PPL: variants seen among roughly 807,000 people sequenced by gnomAD.
PPL encodes the protein periplakin, also known as 190 kDa paraneoplastic pemphigus antigen.
PPL carries 198 observed loss-of-function variants against 194.4 expected under a neutral mutation model. The ratio of observed to expected loss-of-function variants is 1.02; its 90% confidence interval spans 0.91 to 1.15. The LOEUF is 1.15. PPL is among the 50% of genes most tolerant of loss of function. The probability of loss-of-function intolerance (pLI) is 0.00; values close to 1 mark genes in which losing one functional copy is unlikely to be tolerated. For missense variants in PPL, 2,885 were observed against 2,294.8 expected (o/e 1.26, Z -5.25); for synonymous variants, 1,220 against 972.4 (o/e 1.25, Z -4.74).
At position 4,900,853 on chromosome 16, in the gene PPL, G is replaced by T; in HGVS notation, c.583C>A (p.Arg195=). The T allele has an allele frequency of 6.2e-7, 1 of 1,614,104 alleles. No individual in the cohort carries two copies. The highest frequency in any genetic ancestry group is 1.1e-5 in the South Asian group (1 of 91,086). ...ACCAGCAGTTTCTGGTACTTGGCCC[G>T]GAGTTCGCTGTTCTGCTCCTGAGGA... is the stretch of plus-strand genomic sequence containing the variant. The part of the protein sequence containing the change: ...DGDKEQNSEL[R]AKYQKLLAAS... Residue 195 remains arginine, a synonymous_variant, in exon 6 of 22, where the codon CGG becomes AGG. Transcript: ENST00000345988.
At chr16:4,893,399 T>A (rs764432264) in intron 13 of PPL, 29 bp from the exon 14 acceptor site, 2 of 1,599,964 alleles carry the variant, frequency 1.3e-6, no homozygotes, top group Non-Finnish European at 1.7e-6. Context: ...CACAGGCAGG[T>A]GTGACAACGG....
chr16:4,890,511 G>A (rs997095311), intron 17 of PPL, among the ~76,000 whole-genome samples, 177 bp from the exon 18 acceptor site: 3 of 152,128 alleles, frequency 2.0e-5, no homozygotes, highest in South Asian at 2.1e-4. Context: ...AGAACCAGGT[G>A]GGTCCATATA....
chr16:4,888,765 G>A (rs557511911), intron 19 of PPL: 184 of 519,766 alleles, frequency 3.5e-4, no homozygotes, highest in African/African-American at 3.4e-3. Flanking sequence ...AGTGTTTACT[G>A]CTTCAGAGTA....
At chr16:4,915,665 A>G (rs1009815620) in intron 1 of PPL, among the ~76,000 whole-genome samples, 3 of 152,210 alleles carry the variant, frequency 2.0e-5, no homozygotes, top group African/African-American at 7.2e-5. Flanking sequence ...TGGGGATGCT[A>G]GGAAAATCAC....
Position 4,888,988 on chromosome 16 carries a change from T to C in PPL, c.2387A>G (p.Gln796Arg). 1 of 1,613,440 alleles carries C rather than the reference T, an allele frequency of 6.2e-7. No individual in the cohort carries two copies. Among genetic ancestry groups the C allele is most frequent in the Non-Finnish European group, 8.5e-7 (1 of 1,179,866 alleles). ...KICANSQQYQ[Q>R]AVKDYELEAE... ...AGTTTCCCGGCTCACCTTTACAGCT[T>C]GCTGGTACTGCTGGGAATTGGCACA... The change falls in exon 19 of 22, where the codon CAA becomes CGA. Residue 796 changes from glutamine to arginine, a missense_variant. Gln to Arg is a conservative substitution (Grantham distance 43, BLOSUM62 1). Transcript: ENST00000345988.
chr16:4,883,286 GC>G lies in PPL; in HGVS notation c.*97del. ...AGCGAGGGTATGTATAAAATGCTTG[GC>G]CTGCACCAGGGCAAGGGAGAGGACG... On this transcript the variant is annotated 3_prime_UTR_variant, in exon 22 of 22. Transcript: ENST00000345988. This position sits in a 1 kb window ranked among gnomAD's most constrained non-coding sequence, Gnocchi z 4.8. The G allele has an allele frequency of 1.3e-6, 2 of 1,536,282 alleles. No individual in the cohort carries two copies. Among genetic ancestry groups the G allele is most frequent in the Middle Eastern group, 2.3e-4 (1 of 4,264 alleles).
chr16:4,882,775 T>G lies in PPL; in HGVS notation c.*609A>C, dbSNP rs950626225. On this transcript the variant is annotated 3_prime_UTR_variant, in exon 22 of 22. Transcript: ENST00000345988. ...ACATTCTCTGTAGGTGCCGGGACAGTCTGGTGGCTGACAATTAACGTCCAC... is the reference window on the plus strand; with the variant it reads ...ACATTCTCTGTAGGTGCCGGGACAGGCTGGTGGCTGACAATTAACGTCCAC... 1 of 153,384 alleles carries G rather than the reference T, an allele frequency of 6.5e-6. No individual in the cohort carries two copies. The highest frequency in any genetic ancestry group is 1.5e-5 in the Non-Finnish European group (1 of 68,938). 9.5% of individuals were successfully genotyped at this position (153,384 alleles called of 1,614,324 possible).
At chr16:4,926,693 G>A (rs1029267628) in intron 1 of PPL, among the ~76,000 whole-genome samples, 1 of 151,986 alleles carries the variant, frequency 6.6e-6, no homozygotes, top group African/African-American at 2.4e-5. Context: ...GGCTAACATG[G>A]TGAAACCCCA....
In PPL at chr16:4,889,246, T is replaced by TGG. The variant is rs1567992854; in HGVS notation, c.2314-186_2314-185insCC. ...GCAGTTTTTTTGTTGTTGTTGTTTT[T>TGG]TTTTTTTTTTTTTTTTTTTTTTTTT... On this transcript the variant is annotated intron_variant, in intron 18 of 21. Transcript: ENST00000345988. 8.7e-4 allele frequency among the ~76,000 whole-genome samples: 22 copies of TGG among 25,336 alleles called. 1 individual carries two copies. Among genetic ancestry groups the TGG allele is most frequent in the African/African-American group, 1.1e-3 (12 of 10,986 alleles). The allele number at this position is 25,336 out of a possible 152,430, so 16.6% of individuals were successfully genotyped here. A position where few individuals can be genotyped will look rare whatever the true frequency, so the allele number is the denominator to read the frequency against.
In PPL at chr16:4,913,040, G is replaced by A. The variant is rs536800908; in HGVS notation, c.63-2091C>T. On this transcript the variant is annotated intron_variant, in intron 1 of 21. Transcript: ENST00000345988. ...AACTGCTTGAACCTGGGAGGTGGAG[G>A]TGGCAGTGAGCTGAGATTGCACCAC... Among the ~76,000 whole-genome samples the A allele has an allele frequency of 1.3e-3, 202 of 152,084 alleles. 3 individuals carry two copies. Among genetic ancestry groups the A allele is most frequent in the Non-Finnish European group, 2.2e-3 (149 of 67,990 alleles).
rs761699682 is a variant in PPL at position 4,900,828 on chromosome 16, A to G, written c.606+2T>C. On this transcript the variant is annotated splice_donor_variant, in intron 6 of 21. Coordinates refer to ENST00000345988, the MANE Select transcript of PPL (RefSeq NM_002705.5). LOFTEE classifies it high-confidence loss of function. ...AGGCCTTTCCCCCAGGGAGCTCCTC[A>G]CCAGCAGTTTCTGGTACTTGGCCCG... 23 of 1,613,930 alleles carry G rather than the reference A, an allele frequency of 1.4e-5. No individual in the cohort carries two copies. The highest frequency in any genetic ancestry group is 1.7e-4 in the Middle Eastern group (1 of 6,060).
intron 1 of PPL, 89 bp downstream of exon 1, chr16:4,936,895 C>G (rs1400685543): frequency 3.8e-6 from 5 of 1,326,448 alleles, no homozygotes; most frequent in East Asian, 5.7e-5. Context: ...CCGTACCCCC[C>G]ATTCCTACAC....
intron 14 of PPL, 24 bp downstream of exon 14, chr16:4,893,189 C>A: frequency 6.6e-7 from 1 of 1,521,920 alleles, no homozygotes; most frequent in African/African-American, 1.4e-5. Flanking sequence ...CCCGGCCCCA[C>A]CTGTGCTCCT....
Position 4,884,457 on chromosome 16 carries a change from C to T in PPL, c.4198G>A (p.Glu1400Lys), listed in dbSNP as rs767617068. Reference sequence around the variant, plus strand: ...CGCTCTAGCTCCTCCAGCTGCCGCTCAAGCTCGGTGCGCCGGCGCTGCAGC... The same window carrying T: ...CGCTCTAGCTCCTCCAGCTGCCGCTTAAGCTCGGTGCGCCGGCGCTGCAGC... ...RRLQRRRTEL[E>K]RQLEELERER... Residue 1400 changes from glutamate (E) to lysine (K), a missense_variant, in exon 22 of 22, where the codon GAG becomes AAG. Transcript: ENST00000345988. This position sits in a 1 kb window ranked among gnomAD's most constrained non-coding sequence, Gnocchi z 5.7. 3.1e-6 allele frequency: 5 copies of T among 1,602,354 alleles called. No individual in the cohort carries two copies. The highest frequency in any genetic ancestry group is 1.8e-5 in the Admixed American group (1 of 57,086).
At chr16:4,897,519 C>T (rs950865454) in intron 9 of PPL, among the ~76,000 whole-genome samples, 156 bp downstream of exon 9, 2 of 152,174 alleles carry the variant, frequency 1.3e-5, no homozygotes, top group Non-Finnish European at 2.9e-5. Context: ...TGTCTGCACA[C>T]GCCATCAGAA....
intron 6 of PPL, 87 bp from the exon 7 acceptor site, chr16:4,899,471 A>ATGAC: frequency 6.6e-7 from 1 of 1,509,554 alleles, no homozygotes; most frequent in South Asian, 1.3e-5. Flanking sequence ...GGGCCCAGCT[A>ATGAC]TGGCTGGCCT....
At position 4,894,456 on chromosome 16, in the gene PPL, T is replaced by G. The variant is rs376288415; in HGVS notation, c.1394+11A>C. 7 of 1,613,442 alleles carry G rather than the reference T, an allele frequency of 4.3e-6. No individual in the cohort carries two copies. In the African/African-American group the frequency reaches 9.3e-5, roughly 22 times the overall value. ...ACTGGTCCATGCAGACTCCCGCCTT[T>G]GCCCTTGTACCTGTCAGCCAGAGCC... On this transcript the variant is annotated intron_variant, in intron 12 of 21. Transcript: ENST00000345988.
chr16:4,929,873 A>G (rs2089205938), intron 1 of PPL, among the ~76,000 whole-genome samples: 1 of 150,752 alleles, frequency 6.6e-6, no homozygotes, highest in Admixed American at 6.6e-5. Flanking sequence ...TTTTTGGTAG[A>G]AATAGGGTCT....
Position 4,884,652 on chromosome 16 carries a change from G to T in PPL, c.4003C>A (p.Gln1335Lys). Residue 1335 changes from glutamine (Q) to lysine (K), a missense_variant, in exon 22 of 22, where the codon CAG becomes AAG. Gln to Lys is a moderately conservative substitution (Grantham distance 53, BLOSUM62 1). Coordinates refer to ENST00000345988, the MANE Select transcript of PPL (RefSeq NM_002705.5). This position sits in a 1 kb window ranked among gnomAD's most constrained non-coding sequence, Gnocchi z 5.7. ...LERERASQEE[Q>K]IARKEEELSR... is the part of the protein sequence containing the mutation. Reference sequence around the variant, plus strand: ...AGCTCCTCCTCTTTCCGGGCGATCTGCTCTTCCTGGGAAGCTCTTTCCCTC... The same window carrying T: ...AGCTCCTCCTCTTTCCGGGCGATCTTCTCTTCCTGGGAAGCTCTTTCCCTC... 1 of 1,613,982 alleles carries T rather than the reference G, an allele frequency of 6.2e-7. No individual in the cohort carries two copies. The highest frequency in any genetic ancestry group is 8.5e-7 in the Non-Finnish European group (1 of 1,179,998).
Sources: allele counts gnomAD v4.1 joint callset (sites outside exome capture counted in the v4.1 genomes callset), GRCh38; gene constraint gnomAD v4.1.1; non-coding constraint Gnocchi (gnomAD v3.1); transcripts MANE v1.5; gene names NCBI Gene and HGNC (gene_info 2026-07-23, HGNC 2026-07-21).